MORC4: variants seen among roughly 807,000 people sequenced by gnomAD.
The protein encoded by MORC4 is MORC family CW-type zinc finger protein 4.
In MORC4, 22 loss-of-function variants were observed where a neutral mutation model predicts 65.5. The observed-to-expected ratio is 0.34, with a 90% CI of 0.24 to 0.48. The LOEUF is 0.48. Among genes scored for constraint, MORC4 ranks in the 20% least tolerant of loss-of-function variants. MORC4 has a pLI of 0.99. For missense variants in MORC4, 624 were observed against 703.0 expected, an observed-to-expected ratio of 0.89 and a Z score of 1.27; for synonymous variants, 267 against 255.8, an observed-to-expected ratio of 1.04 and a Z score of -0.42.
chrX:106,962,627 T>C (rs1385888645), intron 9 of MORC4, among the ~76,000 whole-genome samples: 1 of 111,794 alleles, frequency 8.9e-6, no homozygotes, highest in Non-Finnish European at 1.9e-5. Flanking sequence ...CAAATGCTGA[T>C]CATAGTAGCA....
At chrX:106,977,040 C>A (rs892267935) in intron 8 of MORC4, among the ~76,000 whole-genome samples, 1 of 111,543 alleles carries the variant, frequency 9.0e-6, no homozygotes, top group South Asian at 3.7e-4. Context: ...TGCTAAAAAA[C>A]CAAGGTTATA....
At chrX:106,975,526 A>G (rs1934604744) in intron 9 of MORC4, among the ~76,000 whole-genome samples, 1 of 111,592 alleles carries the variant, frequency 9.0e-6, no homozygotes, top group African/African-American at 3.2e-5. Context: ...GTTACAGACA[A>G]ATTAAGGTAC....
intron 2 of MORC4, among the ~76,000 whole-genome samples, chrX:106,998,308 G>A (rs762720214): frequency 8.9e-6 from 1 of 111,784 alleles, no homozygotes; most frequent in South Asian, 3.8e-4. Context: ...ACATACTCGC[G>A]CTCATACTGG....
At chrX:106,989,866 CA>C (rs752325388) in intron 3 of MORC4, among the ~76,000 whole-genome samples, 7,795 of 54,041 alleles carry the variant, frequency 0.14, 1,235 homozygotes, top group African/African-American at 0.44. Flanking sequence ...AAACTCCATC[CA>C]AAAAAAAAAA....
At chrX:106,950,976 G>A (rs1323951425) in intron 14 of MORC4, among the ~76,000 whole-genome samples, 1 of 111,727 alleles carries the variant, frequency 9.0e-6, no homozygotes, top group African/African-American at 3.3e-5. Context: ...TGTGCCCCTA[G>A]GACACTATCC....
chrX:106,998,754 T>C (rs189489249), intron 2 of MORC4, among the ~76,000 whole-genome samples: 141 of 112,396 alleles, frequency 1.3e-3, no homozygotes, highest in Non-Finnish European at 2.0e-3. Flanking sequence ...TCTATCATTC[T>C]TATCACCCTT....
At chrX:106,997,518 G>A (rs1231474794) in intron 2 of MORC4, among the ~76,000 whole-genome samples, 2 of 111,772 alleles carry the variant, frequency 1.8e-5, no homozygotes, top group African/African-American at 6.5e-5. Flanking sequence ...AGTATCTGGC[G>A]TAAAAAGGCC....
rs1381720212 is a variant in MORC4 at position 106,985,123 on chromosome X, G to C, written c.647C>G (p.Thr216Ser). 8 of 1,206,257 alleles carry C rather than the reference G, an allele frequency of 6.6e-6. No individual in the cohort carries two copies. The highest frequency in any genetic ancestry group is 9.0e-6 in the Non-Finnish European group (8 of 892,187). The change falls in exon 5 of 17, where the codon ACT becomes AGT. Residue 216 changes from threonine to serine, a missense_variant. Physicochemically the swap from Thr to Ser is moderately conservative, Grantham distance 58 (BLOSUM62 1). Coordinates refer to ENST00000355610, the MANE Select transcript of MORC4 (RefSeq NM_024657.5). Reference sequence around the variant, plus strand: ...GCGGATGTTCCAAATGAGAACACGAGTGCCTTTTTTGCCTGGGATGGCATC... The same window carrying C: ...GCGGATGTTCCAAATGAGAACACGACTGCCTTTTTTGCCTGGGATGGCATC... Reference protein sequence around the residue: ...QFDAIPGKKGTRVLIWNIRRN... With the variant: ...QFDAIPGKKGSRVLIWNIRRN...
chrX:106,976,368 CTAAAGG>C (rs1323285172), intron 9 of MORC4, among the ~76,000 whole-genome samples: 1 of 111,945 alleles, frequency 8.9e-6, no homozygotes, highest in African/African-American at 3.2e-5. Flanking sequence ...TGCATAATTT[CTAAAGG>C]TAAGGTTTAT....
chrX:106,981,507 C>T (rs1161315673), intron 5 of MORC4, 30 bp from the exon 6 acceptor site: 3 of 1,131,125 alleles, frequency 2.7e-6, no homozygotes, highest in South Asian at 2.3e-5. Flanking sequence ...ACCAATCTAA[C>T]AAAAACTGGC....
chrX:106,959,747 C>T (rs772153689), intron 10 of MORC4, among the ~76,000 whole-genome samples: 8 of 111,261 alleles, frequency 7.2e-5, no homozygotes, highest in African/African-American at 2.6e-4. Context: ...ACCATGTTGC[C>T]GAGGCTGGTC....
At chrX:106,963,082 T>C (rs1230906048) in intron 9 of MORC4, among the ~76,000 whole-genome samples, 1 of 111,880 alleles carries the variant, frequency 8.9e-6, no homozygotes, top group Non-Finnish European at 1.9e-5. Flanking sequence ...TAAACTCTTA[T>C]TCCCCTTCAA....
intron 2 of MORC4, among the ~76,000 whole-genome samples, chrX:106,996,683 A>T (rs1935087112): frequency 9.0e-6 from 1 of 111,711 alleles, no homozygotes; most frequent in Admixed American, 9.5e-5. Flanking sequence ...CCCACCACTT[A>T]GGTGAGAAGT....
intron 3 of MORC4, among the ~76,000 whole-genome samples, chrX:106,989,603 T>C (rs1473137044): frequency 8.9e-6 from 1 of 111,906 alleles, no homozygotes; most frequent in South Asian, 3.7e-4. Flanking sequence ...GCACGGTGGC[T>C]CATGCCTGTA....
intron 14 of MORC4, among the ~76,000 whole-genome samples, chrX:106,947,590 TA>T (rs1192149796): frequency 2.4e-4 from 20 of 83,276 alleles, no homozygotes; most frequent in African/African-American, 1.1e-3. Flanking sequence ...TATATATATA[TA>T]ATATATATAT....
intron 14 of MORC4, among the ~76,000 whole-genome samples, chrX:106,949,596 T>C (rs943811902): frequency 4.4e-5 from 5 of 112,687 alleles, no homozygotes; most frequent in Admixed American, 1.9e-4. Flanking sequence ...CTCTATGCAG[T>C]CCATTTCCCC....
chrX:106,970,010 C>A (rs957372749), intron 9 of MORC4, among the ~76,000 whole-genome samples: 5 of 111,649 alleles, frequency 4.5e-5, no homozygotes, highest in African/African-American at 6.5e-5. Flanking sequence ...CAAAGCCTGG[C>A]AGAGACACAA....
chrX:106,990,017 C>T lies in MORC4; in HGVS notation c.308+3213G>A, dbSNP rs755292796. Among the ~76,000 whole-genome samples the T allele has an allele frequency of 4.8e-3, 510 of 107,029 alleles. 2 individuals are homozygous for T. Among genetic ancestry groups the T allele is most frequent in the African/African-American group, 0.016 (483 of 29,435 alleles). 92.9% of individuals were successfully genotyped at this position (107,029 alleles called of 115,157 possible). A position where few individuals can be genotyped will look rare whatever the true frequency, so the allele number is the denominator to read the frequency against. On this transcript the variant is annotated intron_variant, in intron 3 of 16. Transcript: ENST00000355610. ...CCTGGCTGCCAACATGGTAAAACCC[C>T]GTCTCTACTAAAACTACAAAAATTA...
chrX:106,976,320 T>C lies in MORC4; in HGVS notation c.1157+264A>G, dbSNP rs1038853520. On this transcript the variant is annotated intron_variant, in intron 9 of 16. Transcript: ENST00000355610. ...AAGATCAATTCCAAAGCTTTTCATT[T>C]CCCCAGAAATCTTTTACCAAATTAC... Among the ~76,000 whole-genome samples the C allele has an allele frequency of 3.6e-5, 4 of 111,888 alleles. No individual in the cohort carries two copies. The East Asian group carries it at 1.1e-3, about 31-fold the overall frequency.
Sources: gnomAD v4.1 joint callset for allele counts (sites outside exome capture counted in the v4.1 genomes callset) on GRCh38, gnomAD v4.1.1 for gene constraint, MANE v1.5 for transcripts, NCBI Gene and HGNC (gene_info 2026-07-23, HGNC 2026-07-21) for gene names.